The following ERP44 variants were observed in gnomAD, a reference collection of about 807,000 sequenced individuals.
The protein encoded by ERP44 is endoplasmic reticulum protein 44.
A neutral mutation model predicts 53.4 loss-of-function variants in ERP44; 25 were observed. That is an observed-to-expected ratio of 0.47 (90% confidence interval 0.34 to 0.65). The LOEUF (loss-of-function observed/expected upper bound fraction) is 0.65, where lower values mean the gene tolerates loss of function less well. Ranked by LOEUF, ERP44 falls within the 30% of genes least tolerant of loss-of-function variation. The probability of loss-of-function intolerance (pLI) is 0.01; values close to 1 mark genes in which losing one functional copy is unlikely to be tolerated. For missense variants in ERP44, 338 were observed against 493.2 expected (o/e 0.69, Z 2.98); for synonymous variants, 145 against 161.2 (o/e 0.90, Z 0.76).
chr9:100,083,857 G>C (rs916953384), intron 1 of ERP44, among the ~76,000 whole-genome samples: 1 of 152,126 alleles, frequency 6.6e-6, no homozygotes, highest in East Asian at 1.9e-4. Context: ...GCAATAGGAC[G>C]GGAGAAAAGC....
At chr9:100,017,248 T>C (rs1830533621) in intron 7 of ERP44, among the ~76,000 whole-genome samples, 1 of 152,248 alleles carries the variant, frequency 6.6e-6, no homozygotes, top group African/African-American at 2.4e-5. Flanking sequence ...TCATTTAATC[T>C]TCCCAACATC....
intron 4 of ERP44, among the ~76,000 whole-genome samples, chr9:100,034,846 A>G (rs941231923): frequency 1.3e-5 from 2 of 152,216 alleles, no homozygotes; most frequent in Non-Finnish European, 2.9e-5. Context: ...TATGATAACC[A>G]GAACAGTAAG....
intron 1 of ERP44, among the ~76,000 whole-genome samples, chr9:100,070,855 C>T (rs145958543): frequency 1.3e-5 from 2 of 152,110 alleles, no homozygotes; most frequent in Admixed American, 6.5e-5. Context: ...TGGCCTCCCC[C>T]CAGAAGTAGA....
Position 100,022,369 on chromosome 9 carries a change from A to G in ERP44, c.287-143T>C, listed in dbSNP as rs1830601384. The G allele has an allele frequency of 1.7e-5, 10 of 602,312 alleles. No individual in the cohort carries two copies. In the South Asian group the frequency reaches 2.6e-4, roughly 16 times the overall value. 37.3% of individuals were successfully genotyped at this position (602,312 alleles called of 1,614,324 possible). ...TTCAGTGAGAGAGAAAAAAATAATAATAATCAGGACTTGAGTTTACATTAT... is the reference window on the plus strand; with the variant it reads ...TTCAGTGAGAGAGAAAAAAATAATAGTAATCAGGACTTGAGTTTACATTAT... On this transcript the variant is annotated intron_variant, in intron 4 of 11. Coordinates refer to ENST00000262455, the MANE Select transcript of ERP44 (RefSeq NM_015051.3).
At chr9:100,075,953 T>C (rs1379694398) in intron 1 of ERP44, among the ~76,000 whole-genome samples, 1 of 152,196 alleles carries the variant, frequency 6.6e-6, no homozygotes, top group African/African-American at 2.4e-5. Context: ...CCAATGGTGC[T>C]TGAGGTCTCA....
At chr9:99,996,169 AT>A (rs1292073939) in intron 10 of ERP44, among the ~76,000 whole-genome samples, 1 of 152,066 alleles carries the variant, frequency 6.6e-6, no homozygotes, top group Admixed American at 6.5e-5. Flanking sequence ...AATGAGAGGT[AT>A]TTGGGTCACG....
At chr9:100,082,338 T>C (rs984532135) in intron 1 of ERP44, among the ~76,000 whole-genome samples, 1 of 151,522 alleles carries the variant, frequency 6.6e-6, no homozygotes, top group Admixed American at 6.6e-5. Flanking sequence ...GTAACAAACC[T>C]GCACATTCAG....
At chr9:100,047,083 T>C (rs146512479) in intron 4 of ERP44, among the ~76,000 whole-genome samples, 1 of 152,180 alleles carries the variant, frequency 6.6e-6, no homozygotes, top group Non-Finnish European at 1.5e-5. Flanking sequence ...CTATGCCACA[T>C]GTAAAAATTA....
At chr9:100,037,476 G>A (rs2093696) in intron 4 of ERP44, among the ~76,000 whole-genome samples, 70,631 of 151,852 alleles carry the variant, frequency 0.47, 17,738 homozygotes, top group East Asian at 0.9. Flanking sequence ...TGGACATGGC[G>A]GGCAGATATA....
At chr9:100,061,482 A>T (rs551884710) in intron 1 of ERP44, among the ~76,000 whole-genome samples, 18 of 147,498 alleles carry the variant, frequency 1.2e-4, no homozygotes, top group African/African-American at 4.2e-4. Context: ...TATTTATAAA[A>T]TATGTATAAA....
In ERP44 at chr9:100,077,098, T is replaced by C. The variant is rs367664500; in HGVS notation, c.58-16926A>G. On this transcript the variant is annotated intron_variant, in intron 1 of 11. Transcript: ENST00000262455. The stretch of plus-strand genomic sequence containing the variant: ...TGATTATACTGGACCTCTTCTATCA[T>C]GGAAAGGGCAGAGGTTTGTCCTCAC... 1.3e-4 allele frequency among the ~76,000 whole-genome samples: 20 copies of C among 152,286 alleles called. No individual in the cohort carries two copies. The East Asian group carries it at 1.3e-3, about 10-fold the overall frequency.
intron 10 of ERP44, among the ~76,000 whole-genome samples, chr9:99,986,711 A>G (rs570282459): frequency 1.8e-4 from 27 of 152,332 alleles, no homozygotes; most frequent in Middle Eastern, 3.4e-3. Flanking sequence ...ACTAGCTCCA[A>G]TGCAACAGAG....
intron 10 of ERP44, among the ~76,000 whole-genome samples, chr9:100,002,804 G>A (rs1830392146): frequency 6.6e-6 from 1 of 151,990 alleles, no homozygotes; most frequent in Admixed American, 6.6e-5. Flanking sequence ...GTAGTCTTTG[G>A]ACTAAATCTG....
intron 1 of ERP44, among the ~76,000 whole-genome samples, chr9:100,068,321 G>A (rs1381781807): frequency 2.9e-5 from 4 of 138,488 alleles, no homozygotes; most frequent in East Asian, 2.2e-4. Context: ...TGCCCCGTCC[G>A]GGAGGGAGGT....
At chr9:100,065,559 A>G (rs953051587) in intron 1 of ERP44, among the ~76,000 whole-genome samples, 10 of 152,228 alleles carry the variant, frequency 6.6e-5, no homozygotes, top group South Asian at 2.1e-4. Flanking sequence ...ATGTATACAT[A>G]TATCAAAATA....
At chr9:100,005,427 A>C (rs1830416852) in intron 10 of ERP44, among the ~76,000 whole-genome samples, 1 of 152,232 alleles carries the variant, frequency 6.6e-6, no homozygotes, top group South Asian at 2.1e-4. Flanking sequence ...TGTCATACAG[A>C]AGAGATAGCT....
At chr9:100,053,797 C>G (rs916609058) in intron 3 of ERP44, among the ~76,000 whole-genome samples, 1 of 152,198 alleles carries the variant, frequency 6.6e-6, no homozygotes, top group Non-Finnish European at 1.5e-5. Flanking sequence ...AATGGCCATT[C>G]TCTTACGGAA....
chr9:100,034,948 A>C (rs1825833170), intron 4 of ERP44, among the ~76,000 whole-genome samples: 1 of 152,192 alleles, frequency 6.6e-6, no homozygotes, highest in African/African-American at 2.4e-5. Context: ...GATCTTCTAC[A>C]AAATCAACAA....
intron 1 of ERP44, among the ~76,000 whole-genome samples, chr9:100,080,205 G>A (rs1008707327): frequency 2.6e-5 from 4 of 151,990 alleles, no homozygotes; most frequent in Admixed American, 6.6e-5. Context: ...CAGCATCCCC[G>A]GCAGAATGGC....
Sources: gnomAD v4.1 joint callset for allele counts (sites outside exome capture counted in the v4.1 genomes callset) on GRCh38, gnomAD v4.1.1 for gene constraint, MANE v1.5 for transcripts, NCBI Gene and HGNC (gene_info 2026-07-23, HGNC 2026-07-21) for gene names.